Variants in USP18 observed in about 807,000 individuals in gnomAD.
USP18 encodes the protein ubl carboxyl-terminal hydrolase 18.
Under a neutral mutation model 48.7 loss-of-function variants are expected in USP18, and 11 were observed. The observed-to-expected ratio is 0.23, with a 90% CI of 0.14 to 0.37. USP18 has a LOEUF of 0.37. Among genes scored for constraint, USP18 ranks in the 10% least tolerant of loss-of-function variants. The probability of loss-of-function intolerance (pLI) is 1.00; values close to 1 mark genes in which losing one functional copy is unlikely to be tolerated. For synonymous variants in USP18, 114 were observed against 163.2 expected, an observed-to-expected ratio of 0.70 and a Z score of 2.30; for missense variants, 285 against 436.4, an observed-to-expected ratio of 0.65 and a Z score of 3.09.
At chr22:18,156,092 G>A (rs149861769) in intron 1 of USP18, among the ~76,000 whole-genome samples, 6,197 of 152,312 alleles carry the variant, frequency 0.041, 169 homozygotes, top group African/African-American at 0.075. Context: ...GAATGCACCA[G>A]TCGACCCTCT....
At chr22:18,156,424 A>G (rs920791772) in intron 1 of USP18, among the ~76,000 whole-genome samples, 1 of 152,172 alleles carries the variant, frequency 6.6e-6, no homozygotes, top group Non-Finnish European at 1.5e-5. Context: ...AAGTCTTGCT[A>G]CTGCTCACTC....
At chr22:18,155,589 G>A (rs1022223730) in intron 1 of USP18, among the ~76,000 whole-genome samples, 2 of 152,182 alleles carry the variant, frequency 1.3e-5, no homozygotes, top group African/African-American at 4.8e-5. Context: ...GTTCCGAGTG[G>A]GCGTGGGCTC....
intron 1 of USP18, among the ~76,000 whole-genome samples, chr22:18,151,102 T>C (rs1347064970): frequency 2.4e-5 from 3 of 126,778 alleles, no homozygotes; most frequent in African/African-American, 1.1e-4. Flanking sequence ...CGGTGGAAAA[T>C]TCCTAGAAGT....
chr22:18,153,441 A>T (rs935657678), intron 1 of USP18, among the ~76,000 whole-genome samples: 1 of 151,050 alleles, frequency 6.6e-6, no homozygotes, highest in African/African-American at 2.4e-5. Flanking sequence ...AAAAAAAAAA[A>T]GGAGACAGGG....
rs1326834750 is a variant in USP18, at chr22:18,167,760, T to C, written c.481-130T>C. 41 of 927,686 alleles carry C rather than the reference T, an allele frequency of 4.4e-5. No individual in the cohort carries two copies. The East Asian group carries it at 1.0e-3, about 23-fold the overall frequency. The allele number at this position is 927,686 out of a possible 1,614,324, so 57.5% of individuals were successfully genotyped here. A position where few individuals can be genotyped will look rare whatever the true frequency, so the allele number is the denominator to read the frequency against. On this transcript the variant is annotated intron_variant, in intron 5 of 10. Transcript: ENST00000215794. ...ACATAAAACACTTATCACAGTTTCA[T>C]AATATTGTTACTGGTATTATTTTGC...
rs1485296985 is a variant in USP18, at chr22:18,161,774, T to C, written c.255-16T>C. ...AACTACATGTAAGGAGGTTTCTGGC[T>C]GTTCTTGTGTGGCAGGATCACGGTG... On this transcript the variant is annotated splice_polypyrimidine_tract_variant and intron_variant, in intron 3 of 10. Transcript: ENST00000215794. 1 of 1,578,544 alleles carries C rather than the reference T, an allele frequency of 6.3e-7. No homozygotes were observed. The highest frequency in any genetic ancestry group is 2.3e-5 in the East Asian group (1 of 43,874).
At position 18,168,152 on chromosome 22, in the gene USP18, G is replaced by A. The variant is rs1929531527; in HGVS notation, c.627+116G>A. 11 of 1,497,270 alleles carry A rather than the reference G, an allele frequency of 7.3e-6. No individual in the cohort carries two copies. In the South Asian group the frequency reaches 1.1e-4, roughly 15 times the overall value. The allele number at this position is 1,497,270 out of a possible 1,614,324, so 92.7% of individuals were successfully genotyped here. A position where few individuals can be genotyped will look rare whatever the true frequency, so the allele number is the denominator to read the frequency against. ...TTCTTACAGTTCTGGAGGCTGGGAA[G>A]TCAAGGTTGAGGGGCTGCACCTGGT... On this transcript the variant is annotated intron_variant, in intron 6 of 10. Transcript: ENST00000215794.
chr22:18,155,356 C>A (rs8142557), intron 1 of USP18, among the ~76,000 whole-genome samples: 1 of 152,192 alleles, frequency 6.6e-6, no homozygotes, highest in Non-Finnish European at 1.5e-5. Context: ...CAGGTGACAG[C>A]GTGCTGGCAG....
chr22:18,153,630 TTATTTAGGCAACATGC>T (rs1259403858), intron 1 of USP18, among the ~76,000 whole-genome samples: 3 of 152,076 alleles, frequency 2.0e-5, no homozygotes, highest in Non-Finnish European at 4.4e-5. Flanking sequence ...ATTTTTTATT[TTATTTAGGCAACATGC>T]TATGTTGCCT....
At position 18,167,258 on chromosome 22, in the gene USP18, T is replaced by C. The variant is rs1333476537; in HGVS notation, c.404T>C (p.Phe135Ser). The C allele has an allele frequency of 2.5e-6, 4 of 1,613,704 alleles. No homozygotes were observed. The highest frequency in any genetic ancestry group is 3.4e-6 in the Non-Finnish European group (4 of 1,179,728). Residue 135 changes from phenylalanine (F) to serine (S), a missense_variant, in exon 5 of 11, where the codon TTT becomes TCT. By Grantham distance (155) the Phe-to-Ser change is radical (BLOSUM62 -2). Coordinates refer to ENST00000215794, the MANE Select transcript of USP18 (RefSeq NM_017414.4). ...YCLQKCNVPL[F>S]VQHDAAQLYL... Reference sequence around the variant, plus strand: ...TGTTCCTTTTCTCTGTGGCCAGTGTTTGTCCAACATGATGCTGCCCAACTG... The same window carrying C: ...TGTTCCTTTTCTCTGTGGCCAGTGTCTGTCCAACATGATGCTGCCCAACTG...
intron 7 of USP18, among the ~76,000 whole-genome samples, chr22:18,170,314 C>A (rs2543683): frequency 6.6e-6 from 1 of 152,168 alleles, no homozygotes; most frequent in Admixed American, 6.5e-5. Flanking sequence ...CCCGAGGACA[C>A]CCCATGGTGG....
chr22:18,168,048 C>A lies in USP18; in HGVS notation c.627+12C>A, dbSNP rs375148724. The stretch of plus-strand genomic sequence containing the variant: ...CCCTGAAGACACTGGTAAGGGGATT[C>A]TCTTGGTATTTGCTGCCCCTGTATG... On this transcript the variant is annotated intron_variant, in intron 6 of 10. Transcript: ENST00000215794. The A allele has an allele frequency of 6.2e-7, 1 of 1,613,722 alleles. No homozygotes were observed. Among genetic ancestry groups the A allele is most frequent in the South Asian group, 1.1e-5 (1 of 91,030 alleles).
chr22:18,172,757 C>T (rs1027848791), intron 8 of USP18, among the ~76,000 whole-genome samples: 33 of 150,990 alleles, frequency 2.2e-4, no homozygotes, highest in Middle Eastern at 3.4e-3. Flanking sequence ...CGCCCTTGCC[C>T]TCTGTCTCCC....
At chr22:18,166,313 T>G (rs1018555039) in intron 4 of USP18, among the ~76,000 whole-genome samples, 1 of 152,134 alleles carries the variant, frequency 6.6e-6, no homozygotes, top group Non-Finnish European at 1.5e-5. Flanking sequence ...TTGATACTTT[T>G]TATTTGGTGA....
intron 2 of USP18, among the ~76,000 whole-genome samples, chr22:18,159,060 G>T (rs1012843703): frequency 2.6e-5 from 4 of 151,108 alleles, no homozygotes; most frequent in African/African-American, 4.9e-5. Flanking sequence ...CGAACTTTTT[G>T]TGTGTGTGTG....
At chr22:18,174,534 T>A (rs1929728908) in intron 10 of USP18, among the ~76,000 whole-genome samples, 1 of 152,116 alleles carries the variant, frequency 6.6e-6, no homozygotes, top group Non-Finnish European at 1.5e-5. Context: ...CTGGCCTTCT[T>A]ATATGCTTTT....
intron 1 of USP18, among the ~76,000 whole-genome samples, chr22:18,152,730 T>C (rs1569207559): frequency 6.6e-6 from 1 of 152,122 alleles, no homozygotes; most frequent in Non-Finnish European, 1.5e-5. Flanking sequence ...CCTTTTAAGC[T>C]TCACTTTCCT....
chr22:18,166,308 A>T (rs1276511187), intron 4 of USP18, among the ~76,000 whole-genome samples: 1 of 151,954 alleles, frequency 6.6e-6, no homozygotes, highest in Non-Finnish European at 1.5e-5. Flanking sequence ...CTTTATTGAT[A>T]CTTTTTATTT....
chr22:18,173,834 C>T lies in USP18; in HGVS notation c.1065C>T (p.Asn355=). ...EDIQCTYGNP[N]YHWQETAYLL... ...TCCAGTGTACCTACGGAAATCCTAA[C>T]TACCACTGGTAAGAAACAGATTTGG... is the stretch of plus-strand genomic sequence containing the variant. Residue 355 remains asparagine (N), a synonymous_variant, in exon 10 of 11, where the codon AAC becomes AAT. Coordinates refer to ENST00000215794, the MANE Select transcript of USP18 (RefSeq NM_017414.4). 1 of 1,602,572 alleles carries T rather than the reference C, an allele frequency of 6.2e-7. No homozygotes were observed. Among genetic ancestry groups the T allele is most frequent in the Non-Finnish European group, 8.5e-7 (1 of 1,171,096 alleles).
Sources: gnomAD v4.1 joint callset for allele counts (sites outside exome capture counted in the v4.1 genomes callset) on GRCh38, gnomAD v4.1.1 for gene constraint, MANE v1.5 for transcripts, NCBI Gene and HGNC (gene_info 2026-07-23, HGNC 2026-07-21) for gene names.